Variants in KCND3 observed in about 807,000 individuals in gnomAD.
The protein encoded by KCND3 is potassium voltage-gated channel subfamily D member 3, also known as A-type voltage-gated potassium channel KCND3.
KCND3 carries 9 observed loss-of-function variants against 51.1 expected under a neutral mutation model. The observed-to-expected ratio is 0.18, with a 90% CI of 0.11 to 0.31. The LOEUF is 0.31. KCND3 is among the 10% of genes least tolerant of loss of function. The pLI is 1.00. For synonymous variants in KCND3, 349 were observed against 368.0 expected (o/e 0.95, Z 0.59); for missense variants, 526 against 903.8 (o/e 0.58, Z 5.36).
intron 2 of KCND3, among the ~76,000 whole-genome samples, chr1:111,962,847 TGCA>T (rs1348759847): frequency 6.6e-6 from 1 of 152,236 alleles, no homozygotes; most frequent in African/African-American, 2.4e-5. Context: ...GGTTTGGCCA[TGCA>T]ACTTCCTTTG....
At chr1:111,818,482 C>A (rs559770788) in intron 2 of KCND3, among the ~76,000 whole-genome samples, 1 of 152,156 alleles carries the variant, frequency 6.6e-6, no homozygotes, top group Non-Finnish European at 1.5e-5. Flanking sequence ...GTTGTGCCAG[C>A]GAGGGGTTTT....
chr1:111,915,805 C>T (rs960154855), intron 2 of KCND3, among the ~76,000 whole-genome samples: 1 of 144,588 alleles, frequency 6.9e-6, no homozygotes. Context: ...GACAAAGTAG[C>T]CTTTAGAACA....
chr1:111,858,886 G>C (rs1170631030), intron 2 of KCND3, among the ~76,000 whole-genome samples: 1 of 152,220 alleles, frequency 6.6e-6, no homozygotes, highest in Non-Finnish European at 1.5e-5. Flanking sequence ...TCCTGCCTCA[G>C]GGCCTTTGCA....
chr1:111,797,829 TCAG>T (rs1156502510), intron 2 of KCND3, among the ~76,000 whole-genome samples: 1 of 147,058 alleles, frequency 6.8e-6, no homozygotes, highest in African/African-American at 2.4e-5. Flanking sequence ...CTTCCTGAAA[TCAG>T]CAGATTTCCA....
In KCND3 at chr1:111,962,674, A is replaced by G. The variant is rs72977021; in HGVS notation, c.1106+18947T>C. ...CCAGACCTTCTTTGTATTTCCCACT[A>G]TGAAATTCAGTCCACATGGTTCATG... is the stretch of plus-strand genomic sequence containing the variant. On this transcript the variant is annotated intron_variant, in intron 2 of 7. Coordinates refer to ENST00000302127, the MANE Select transcript of KCND3 (RefSeq NM_001378969.1). Among the ~76,000 whole-genome samples the G allele has an allele frequency of 8.7e-3, 1,330 of 152,260 alleles. 20 individuals are homozygous for G. The highest frequency in any genetic ancestry group is 0.03 in the African/African-American group (1,257 of 41,568).
At chr1:111,838,616 C>G (rs973764858) in intron 2 of KCND3, among the ~76,000 whole-genome samples, 1 of 152,140 alleles carries the variant, frequency 6.6e-6, no homozygotes, top group Non-Finnish European at 1.5e-5. Flanking sequence ...GAGATCGCAC[C>G]ACTGCACTCC....
intron 2 of KCND3, among the ~76,000 whole-genome samples, chr1:111,974,755 T>C (rs887210562): frequency 8.5e-5 from 13 of 152,216 alleles, no homozygotes; most frequent in Non-Finnish European, 1.3e-4. Flanking sequence ...TTGTGTTTAA[T>C]GGGTGTGTTT....
At chr1:111,806,958 T>G (rs1473105139) in intron 2 of KCND3, among the ~76,000 whole-genome samples, 1 of 152,196 alleles carries the variant, frequency 6.6e-6, no homozygotes, top group Non-Finnish European at 1.5e-5. Context: ...CTCTATGGAC[T>G]TGCAGCCTTG....
At chr1:111,934,077 G>A (rs1162173832) in intron 2 of KCND3, among the ~76,000 whole-genome samples, 1 of 152,152 alleles carries the variant, frequency 6.6e-6, no homozygotes, top group East Asian at 1.9e-4. Flanking sequence ...TGGTGCGGGG[G>A]CTCAGCAGGT....
intron 2 of KCND3, among the ~76,000 whole-genome samples, chr1:111,859,111 A>G (rs918662121): frequency 2.6e-5 from 4 of 152,144 alleles, no homozygotes; most frequent in Admixed American, 6.5e-5. Context: ...TCTGTCTCCT[A>G]TTTAAAATGT....
At position 111,799,969 on chromosome 1, in the gene KCND3, C is replaced by A. The variant is rs576071310; in HGVS notation, c.1107-12863G>T. Among the ~76,000 whole-genome samples the A allele has an allele frequency of 2.4e-3, 359 of 152,128 alleles. 3 individuals carry two copies. The highest frequency in any genetic ancestry group is 8.4e-3 in the African/African-American group (350 of 41,510). On this transcript the variant is annotated intron_variant, in intron 2 of 7. Coordinates refer to ENST00000302127, the MANE Select transcript of KCND3 (RefSeq NM_001378969.1). ...GCCGCCCCGTCCGGGAGGTGAGGGG[C>A]GCCTCTGCCCGGCCGCCCCTACTGG...
At chr1:111,871,341 AT>A (rs1362425754) in intron 2 of KCND3, among the ~76,000 whole-genome samples, 2 of 152,238 alleles carry the variant, frequency 1.3e-5, no homozygotes, top group Admixed American at 6.5e-5. Context: ...CAATGAAGGA[AT>A]GATGAAGGAG....
intron 2 of KCND3, among the ~76,000 whole-genome samples, chr1:111,923,958 A>G (rs1035875171): frequency 6.6e-6 from 1 of 152,220 alleles, no homozygotes; most frequent in Non-Finnish European, 1.5e-5. Flanking sequence ...GACAAATGAC[A>G]TGGCTTAGGA....
chr1:111,804,016 T>C (rs1053097095), intron 2 of KCND3, among the ~76,000 whole-genome samples: 2 of 152,310 alleles, frequency 1.3e-5, no homozygotes, highest in South Asian at 4.1e-4. Context: ...ACATCCTTTT[T>C]ATAATAGCGC....
At chr1:111,866,166 C>A (rs1279228844) in intron 2 of KCND3, among the ~76,000 whole-genome samples, 3 of 151,602 alleles carry the variant, frequency 2.0e-5, no homozygotes, top group Middle Eastern at 3.2e-3. Context: ...TGAATGAATA[C>A]CATTTTATTT....
chr1:111,796,664 A>G (rs1484589446), intron 2 of KCND3, among the ~76,000 whole-genome samples: 1 of 152,192 alleles, frequency 6.6e-6, no homozygotes, highest in Non-Finnish European at 1.5e-5. Flanking sequence ...AAAATAACTA[A>G]TGAGTACTAG....
At chr1:111,891,310 G>C (rs908626854) in intron 2 of KCND3, among the ~76,000 whole-genome samples, 8 of 152,122 alleles carry the variant, frequency 5.3e-5, no homozygotes, top group Admixed American at 4.6e-4. Flanking sequence ...TTGCTGCAAA[G>C]AGAAGGAAAA....
chr1:111,895,710 T>C lies in KCND3; in HGVS notation c.1106+85911A>G, dbSNP rs550838507. 1.2e-3 allele frequency among the ~76,000 whole-genome samples: 177 copies of C among 152,112 alleles called. 2 individuals carry two copies. The highest frequency in any genetic ancestry group is 4.0e-3 in the African/African-American group (167 of 41,516). Reference sequence around the variant, plus strand: ...TCAGAATGCGCTAGCGCGCCTGCCGTGGGGAGTGGAGGGGGCCAGGGGGCT... The same window carrying C: ...TCAGAATGCGCTAGCGCGCCTGCCGCGGGGAGTGGAGGGGGCCAGGGGGCT... On this transcript the variant is annotated intron_variant, in intron 2 of 7. Transcript: ENST00000302127.
At chr1:111,783,181 T>A (rs1571630476) in intron 3 of KCND3, among the ~76,000 whole-genome samples, 1 of 115,264 alleles carries the variant, frequency 8.7e-6, no homozygotes, top group Non-Finnish European at 1.6e-5. Context: ...TTGGAGATCA[T>A]CCAGACCAAT....
Sources: allele counts gnomAD v4.1 joint callset (sites outside exome capture counted in the v4.1 genomes callset), GRCh38; gene constraint gnomAD v4.1.1; transcripts MANE v1.5; gene names NCBI Gene and HGNC (gene_info 2026-07-23, HGNC 2026-07-21).